GPC6: variants seen among roughly 807,000 people sequenced by gnomAD.
GPC6 encodes the protein glypican 6.
A neutral mutation model predicts 55.2 loss-of-function variants in GPC6; 14 were observed. That is an observed-to-expected ratio of 0.25 (90% CI 0.17 to 0.40). The LOEUF (loss-of-function observed/expected upper bound fraction) is 0.40, where lower values mean the gene tolerates loss of function less well. Among genes scored for constraint, GPC6 ranks in the 10% least tolerant of loss-of-function variants. The pLI is 1.00. For synonymous variants in GPC6, 278 were observed against 259.6 expected, an observed-to-expected ratio of 1.07 and a Z score of -0.68; for missense variants, 641 against 708.5, an observed-to-expected ratio of 0.90 and a Z score of 1.08.
chr13:94,196,445 T>G (rs779825637), intron 4 of GPC6, among the ~76,000 whole-genome samples: 5 of 152,194 alleles, frequency 3.3e-5, no homozygotes, highest in African/African-American at 4.8e-5. Context: ...CTAAAGTTTT[T>G]AAAGGGTCTT....
In GPC6 at chr13:94,254,996, A is replaced by G. The variant is rs568837591; in HGVS notation, c.878-31353A>G. Among the ~76,000 whole-genome samples, 24 of 152,348 alleles carry G rather than the reference A, an allele frequency of 1.6e-4. 1 individual carries two copies. The South Asian group carries it at 4.8e-3, about 30-fold the overall frequency. ...CAAAGAGATGTTATCAAAGGAGTCA[A>G]CAGTAATTTTCATCAATGTTTAAGA... is the stretch of plus-strand genomic sequence containing the variant. On this transcript the variant is annotated intron_variant, in intron 4 of 8. Coordinates refer to ENST00000377047, the MANE Select transcript of GPC6 (RefSeq NM_005708.5).
intron 3 of GPC6, among the ~76,000 whole-genome samples, chr13:93,919,828 A>G (rs897958573): frequency 2.6e-5 from 4 of 152,190 alleles, no homozygotes; most frequent in African/African-American, 9.7e-5. Flanking sequence ...ATAAAAGGGA[A>G]AACAGAAGGC....
intron 1 of GPC6, among the ~76,000 whole-genome samples, chr13:93,472,270 G>T (rs942745057): frequency 2.6e-5 from 4 of 152,192 alleles, no homozygotes; most frequent in Non-Finnish European, 5.9e-5. Flanking sequence ...TGCCTTTTCC[G>T]CATTTTCCTA....
intron 3 of GPC6, among the ~76,000 whole-genome samples, chr13:94,005,728 T>C (rs534731884): frequency 5.9e-5 from 9 of 152,296 alleles, no homozygotes; most frequent in African/African-American, 1.9e-4. Context: ...AAATGAGCCC[T>C]AGAATATTAA....
At position 93,386,101 on chromosome 13, in the gene GPC6, A is replaced by AT. The variant is rs1555295864; in HGVS notation, c.160+158485_160+158486insT. ...GGGAATGGAATGACCACTTTGTTAA[A>AT]AAAAAAAAAAAAAAAAGCCCACCTA... On this transcript the variant is annotated intron_variant, in intron 1 of 8. Coordinates refer to ENST00000377047, the MANE Select transcript of GPC6 (RefSeq NM_005708.5). Among the ~76,000 whole-genome samples, 27 of 115,338 alleles carry AT rather than the reference A, an allele frequency of 2.3e-4. 1 individual carries two copies. Among genetic ancestry groups the AT allele is most frequent in the Admixed American group, 2.2e-3 (27 of 12,118 alleles). 75.7% of individuals were successfully genotyped at this position (115,338 alleles called of 152,430 possible). A position where few individuals can be genotyped will look rare whatever the true frequency, so the allele number is the denominator to read the frequency against.
At chr13:94,071,304 A>G (rs1032262470) in intron 4 of GPC6, among the ~76,000 whole-genome samples, 5 of 152,224 alleles carry the variant, frequency 3.3e-5, no homozygotes, top group African/African-American at 1.2e-4. Flanking sequence ...AACTTAGAAT[A>G]AAGCATGTGG....
intron 3 of GPC6, among the ~76,000 whole-genome samples, chr13:93,843,079 CTTT>C (rs67581832): frequency 1.5e-5 from 2 of 134,342 alleles, no homozygotes. Context: ...GGTGGCACTT[CTTT>C]TTTTTTTTTT....
intron 1 of GPC6, among the ~76,000 whole-genome samples, chr13:93,365,713 G>T (rs1295002535): frequency 2.0e-5 from 3 of 151,924 alleles, no homozygotes; most frequent in Non-Finnish European, 4.4e-5. Flanking sequence ...TCTGGCAGTG[G>T]GAAAGTGATC....
chr13:94,317,008 C>A (rs1350552953), intron 6 of GPC6, among the ~76,000 whole-genome samples: 1 of 152,158 alleles, frequency 6.6e-6, no homozygotes, highest in Non-Finnish European at 1.5e-5. Context: ...TCTTCTTGTA[C>A]AATATCAGTT....
At chr13:93,951,104 TA>T (rs1879233894) in intron 3 of GPC6, among the ~76,000 whole-genome samples, 1 of 152,224 alleles carries the variant, frequency 6.6e-6, no homozygotes, top group African/African-American at 2.4e-5. Flanking sequence ...ATTTTAAATG[TA>T]ACTTACATTT....
chr13:93,272,078 G>A (rs745865011), intron 1 of GPC6, among the ~76,000 whole-genome samples: 2 of 149,596 alleles, frequency 1.3e-5, no homozygotes, highest in Non-Finnish European at 3.0e-5. Flanking sequence ...TTTTTTTTTC[G>A]CTTGTATTAG....
chr13:93,343,127 C>A (rs942949477), intron 1 of GPC6, among the ~76,000 whole-genome samples: 1 of 151,698 alleles, frequency 6.6e-6, no homozygotes, highest in African/African-American at 2.4e-5. Flanking sequence ...TGACAACCCC[C>A]GCCCCCCACC....
At chr13:93,788,185 C>T (rs1004874072) in intron 2 of GPC6, among the ~76,000 whole-genome samples, 1 of 152,026 alleles carries the variant, frequency 6.6e-6, no homozygotes, top group African/African-American at 2.4e-5. Context: ...CCGGTAGGTA[C>T]GATTGTCTGG....
chr13:93,399,185 G>A (rs1313153727), intron 1 of GPC6, among the ~76,000 whole-genome samples: 1 of 152,172 alleles, frequency 6.6e-6, no homozygotes. Flanking sequence ...GTCCTTGATG[G>A]TGCGTGTTCT....
intron 4 of GPC6, among the ~76,000 whole-genome samples, chr13:94,176,601 C>G (rs1191260159): frequency 6.6e-6 from 1 of 152,114 alleles, no homozygotes; most frequent in Non-Finnish European, 1.5e-5. Context: ...AAATGCCTGG[C>G]AGATACCCTG....
intron 8 of GPC6, among the ~76,000 whole-genome samples, chr13:94,402,285 C>T (rs1881170962): frequency 2.0e-5 from 3 of 152,188 alleles, no homozygotes; most frequent in Non-Finnish European, 1.5e-5. Context: ...AGAGCAATGG[C>T]TCTGAGTATA....
chr13:94,049,205 C>T (rs1273299913), intron 4 of GPC6, among the ~76,000 whole-genome samples: 1 of 149,826 alleles, frequency 6.7e-6, no homozygotes, highest in African/African-American at 2.5e-5. Flanking sequence ...AAGACGACTG[C>T]ATCACTGCAC....
intron 1 of GPC6, among the ~76,000 whole-genome samples, chr13:93,482,130 G>A (rs1030362177): frequency 6.6e-6 from 1 of 151,870 alleles, no homozygotes; most frequent in African/African-American, 2.4e-5. Context: ...CACTTCTTTC[G>A]TTACATTTAT....
chr13:93,320,355 T>A (rs187984942), intron 1 of GPC6, among the ~76,000 whole-genome samples: 43 of 151,976 alleles, frequency 2.8e-4, no homozygotes, highest in Admixed American at 1.2e-3. Flanking sequence ...TTCCCTTATA[T>A]ATATAAATTT....
Sources: gnomAD v4.1 joint callset for allele counts (sites outside exome capture counted in the v4.1 genomes callset) on GRCh38, gnomAD v4.1.1 for gene constraint, MANE v1.5 for transcripts, NCBI Gene and HGNC (gene_info 2026-07-23, HGNC 2026-07-21) for gene names.